NUP42: variants seen among roughly 807,000 people sequenced by gnomAD.
NUP42 encodes nucleoporin 42.
Under a neutral mutation model 35.9 loss-of-function variants are expected in NUP42, and 47 were observed. The ratio of observed to expected loss-of-function variants is 1.31; its 90% CI spans 1.04 to 1.67. NUP42 has a LOEUF of 1.67. NUP42 is among the 40% of genes most tolerant of loss of function. The pLI is 0.00. For missense variants in NUP42, 514 were observed against 492.2 expected (o/e 1.04, Z -0.42); for synonymous variants, 173 against 173.3 (o/e 1.00, Z 0.01).
rs186355447 is a variant in NUP42, at chr7:23,196,745, T to G, written c.588T>G (p.Asn196Lys). 1.9e-5 allele frequency: 31 copies of G among 1,608,778 alleles called. No individual in the cohort carries two copies. The highest frequency in any genetic ancestry group is 2.6e-5 in the Non-Finnish European group (30 of 1,175,462). ...RNRVNELKSLNISTKVALLSD... is the reference protein window; with the variant it reads ...RNRVNELKSLKISTKVALLSD... ...GGGTAAATGAACTGAAAAGTCTAAA[T>G]ATATCAACTAAAGTAGCTTTGGTGA... The change falls in exon 5 of 7, where the codon AAT becomes AAG. Residue 196 changes from asparagine to lysine, a missense_variant. Transcript: ENST00000258742.
chr7:23,189,112 C>G (rs1306965097), intron 3 of NUP42, among the ~76,000 whole-genome samples: 1 of 152,156 alleles, frequency 6.6e-6, no homozygotes, highest in Non-Finnish European at 1.5e-5. Context: ...TCAAGTTGGA[C>G]TGAGCTAGCC....
At chr7:23,195,779 G>A (rs546187710) in intron 3 of NUP42, 60 bp from the exon 4 acceptor site, 5 of 1,104,168 alleles carry the variant, frequency 4.5e-6, no homozygotes, top group Non-Finnish European at 6.8e-6. Context: ...AGCACCTCTA[G>A]CTTTACTATC....
intron 1 of NUP42, among the ~76,000 whole-genome samples, chr7:23,183,241 T>C (rs1006035672): frequency 1.3e-5 from 2 of 152,192 alleles, no homozygotes; most frequent in African/African-American, 4.8e-5. Context: ...ATCTGACCTT[T>C]ATTTTTTTAT....
intron 3 of NUP42, chr7:23,195,566 AT>A (rs1785983942): frequency 7.1e-6 from 2 of 282,176 alleles, no homozygotes; most frequent in East Asian, 1.6e-4. Context: ...TTGAATATAA[AT>A]GTAGTCAAAT....
intron 5 of NUP42, among the ~76,000 whole-genome samples, chr7:23,198,640 G>C (rs191291038): frequency 1.8e-4 from 28 of 152,330 alleles, no homozygotes; most frequent in African/African-American, 6.5e-4. Context: ...AGTAAGCAGA[G>C]ATGAAAGACA....
intron 3 of NUP42, among the ~76,000 whole-genome samples, chr7:23,190,716 A>G (rs1193434481): frequency 2.0e-5 from 3 of 152,190 alleles, no homozygotes; most frequent in Non-Finnish European, 4.4e-5. Flanking sequence ...TGTTTTAGAC[A>G]TGAAGTCCTT....
At chr7:23,187,927 A>G (rs1785651536) in intron 3 of NUP42, 151 of 367,738 alleles carry the variant, frequency 4.1e-4, no homozygotes, top group Middle Eastern at 9.2e-4. Context: ...TTGCTTTAGA[A>G]TATTCTCTGT....
At chr7:23,191,304 G>T (rs79714057) in intron 3 of NUP42, among the ~76,000 whole-genome samples, 1 of 152,306 alleles carries the variant, frequency 6.6e-6, no homozygotes, top group East Asian at 1.9e-4. Context: ...CTGTGTGAGG[G>T]GGGAGAAAGG....
chr7:23,187,934 C>CTG, intron 3 of NUP42: 8 of 359,694 alleles, frequency 2.2e-5, no homozygotes, highest in East Asian at 1.1e-4. Flanking sequence ...AGAATATTCT[C>CTG]TGTCTCTCTC....
At chr7:23,188,975 T>TAATA (rs1785696418) in intron 3 of NUP42, among the ~76,000 whole-genome samples, 1 of 152,176 alleles carries the variant, frequency 6.6e-6, no homozygotes. Flanking sequence ...GAGATAAAAA[T>TAATA]TATTAATTTT....
chr7:23,199,355 A>G, intron 5 of NUP42, 103 bp from the exon 6 acceptor site: 1 of 936,000 alleles, frequency 1.1e-6, no homozygotes, highest in Non-Finnish European at 1.7e-6. Flanking sequence ...CCCAGCCTTT[A>G]ATGCACATTT....
intron 6 of NUP42, 114 bp downstream of exon 6, chr7:23,199,656 T>G (rs1786142083): frequency 1.1e-6 from 1 of 870,654 alleles, no homozygotes. Flanking sequence ...TCTACAACCT[T>G]CCATCATAGA....
intron 3 of NUP42, among the ~76,000 whole-genome samples, chr7:23,187,753 C>G (rs1051080119): frequency 6.6e-6 from 1 of 151,558 alleles, no homozygotes. Context: ...ATTACAGTTG[C>G]CCGCTACCAC....
At chr7:23,182,742 CAA>C (rs60397960) in intron 1 of NUP42, among the ~76,000 whole-genome samples, 352 of 74,126 alleles carry the variant, frequency 4.7e-3, no homozygotes, top group Middle Eastern at 0.011. Flanking sequence ...CTAAAAATAC[CAA>C]AAAAAAAAAA....
intron 3 of NUP42, chr7:23,188,110 C>T (rs1785666650): frequency 7.2e-7 from 1 of 1,387,014 alleles, no homozygotes; most frequent in Non-Finnish European, 9.4e-7. Flanking sequence ...GGGCCTCCGT[C>T]CTTTTGAGGA....
At chr7:23,192,017 T>A (rs1347351173) in intron 3 of NUP42, among the ~76,000 whole-genome samples, 24 of 152,118 alleles carry the variant, frequency 1.6e-4, no homozygotes, top group Admixed American at 1.6e-3. Flanking sequence ...CAGAAATATA[T>A]AAATAAAATA....
intron 2 of NUP42, among the ~76,000 whole-genome samples, chr7:23,186,501 G>A (rs1330863797): frequency 6.6e-6 from 1 of 152,176 alleles, no homozygotes; most frequent in African/African-American, 2.4e-5. Flanking sequence ...ATGGATGTGG[G>A]TCTGTTTCCC....
intron 1 of NUP42, among the ~76,000 whole-genome samples, chr7:23,182,769 C>G (rs1785457300): frequency 9.1e-6 from 1 of 110,086 alleles, no homozygotes; most frequent in Non-Finnish European, 1.9e-5. Flanking sequence ...AAAAAAATAG[C>G]CGGGCGTGGT....
At chr7:23,197,130 G>A (rs779290828) in intron 5 of NUP42, 216 of 959,208 alleles carry the variant, frequency 2.3e-4, no homozygotes, top group Non-Finnish European at 2.9e-4. Flanking sequence ...GTAATGTATC[G>A]TTTTGCGACT....
Sources: gnomAD v4.1 joint callset for allele counts (sites outside exome capture counted in the v4.1 genomes callset) on GRCh38, gnomAD v4.1.1 for gene constraint, MANE v1.5 for transcripts, NCBI Gene and HGNC (gene_info 2026-07-23, HGNC 2026-07-21) for gene names.